The following BANK1 variants were observed in gnomAD, a reference collection of about 807,000 sequenced individuals.
The protein encoded by BANK1 is B cell scaffold protein with ankyrin repeats 1, also known as B-cell scaffold protein with ankyrin repeats.
BANK1 carries 95 observed loss-of-function variants against 94.5 expected under a neutral mutation model. That is an observed-to-expected ratio of 1.00 (90% confidence interval 0.85 to 1.19). BANK1 has a LOEUF of 1.19. Among genes scored for constraint, BANK1 ranks in the 50% most tolerant of loss-of-function variants. BANK1 has a pLI of 0.00. For missense variants in BANK1, 987 were observed against 932.2 expected, an observed-to-expected ratio of 1.06 and a Z score of -0.77; for synonymous variants, 334 against 308.4, an observed-to-expected ratio of 1.08 and a Z score of -0.87.
At chr4:101,875,842 C>A (rs1163036352) in intron 5 of BANK1, among the ~76,000 whole-genome samples, 1 of 152,152 alleles carries the variant, frequency 6.6e-6, no homozygotes, top group Non-Finnish European at 1.5e-5. Context: ...AGGATTGCAA[C>A]TCCTAGGCAA....
intron 7 of BANK1, among the ~76,000 whole-genome samples, chr4:101,939,386 G>T (rs1343885155): frequency 6.6e-6 from 1 of 151,690 alleles, no homozygotes; most frequent in Non-Finnish European, 1.5e-5. Context: ...ATGACTTAGG[G>T]CATCACATAG....
chr4:101,932,645 C>A (rs1723395032), intron 7 of BANK1, among the ~76,000 whole-genome samples: 1 of 151,474 alleles, frequency 6.6e-6, no homozygotes, highest in Non-Finnish European at 1.5e-5. Context: ...TGCTAAATGT[C>A]TATCTCCTAC....
chr4:101,923,310 A>G (rs1316444620), intron 7 of BANK1, among the ~76,000 whole-genome samples: 1 of 151,818 alleles, frequency 6.6e-6, no homozygotes, highest in East Asian at 1.9e-4. Flanking sequence ...ATATATATGT[A>G]CATGCTTTAC....
At chr4:101,876,782 C>A (rs1177014703) in intron 5 of BANK1, among the ~76,000 whole-genome samples, 1 of 151,970 alleles carries the variant, frequency 6.6e-6, no homozygotes, top group South Asian at 2.1e-4. Flanking sequence ...TTTGAGGAAA[C>A]GCAAAGAAAT....
chr4:101,984,277 G>A (rs1725414365), intron 7 of BANK1, among the ~76,000 whole-genome samples: 1 of 152,038 alleles, frequency 6.6e-6, no homozygotes, highest in African/African-American at 2.4e-5. Context: ...GATTAGGGTA[G>A]TTAGCCTAAA....
At chr4:101,822,947 G>A (rs926874553) in intron 1 of BANK1, among the ~76,000 whole-genome samples, 3 of 152,080 alleles carry the variant, frequency 2.0e-5, no homozygotes, top group Admixed American at 2.0e-4. Flanking sequence ...TATCATTGAT[G>A]GTATTTAGGT....
chr4:101,824,411 T>C (rs988596391), intron 1 of BANK1, among the ~76,000 whole-genome samples: 4 of 152,332 alleles, frequency 2.6e-5, no homozygotes, highest in African/African-American at 7.2e-5. Flanking sequence ...CATATATGAA[T>C]GTCCCACTAT....
intron 6 of BANK1, among the ~76,000 whole-genome samples, chr4:101,896,744 GGTGGT>G (rs1187506520): frequency 6.6e-6 from 1 of 151,752 alleles, no homozygotes; most frequent in African/African-American, 2.4e-5. Flanking sequence ...AGATAAACTT[GGTGGT>G]AGTGATTATA....
rs564595815 is a variant in BANK1, at chr4:101,916,801, T to C, written c.1010-1192T>C. 9.2e-5 allele frequency among the ~76,000 whole-genome samples: 14 copies of C among 152,070 alleles called. No individual in the cohort carries two copies. The South Asian group carries it at 2.9e-3, about 32-fold the overall frequency. ...AAAATGTATCTGGTCTAGAAGAAAA[T>C]GAAAAGTAAATTTGCCACACCTTGG... On this transcript the variant is annotated intron_variant, in intron 6 of 16. Coordinates refer to ENST00000322953, the MANE Select transcript of BANK1 (RefSeq NM_017935.5).
At chr4:102,038,252 A>G (rs1285711030) in intron 10 of BANK1, among the ~76,000 whole-genome samples, 1 of 152,172 alleles carries the variant, frequency 6.6e-6, no homozygotes, top group Non-Finnish European at 1.5e-5. Flanking sequence ...ACTTCTTGGG[A>G]CAGCAACATT....
intron 7 of BANK1, among the ~76,000 whole-genome samples, chr4:101,973,673 T>A (rs2148924167): frequency 6.6e-6 from 1 of 152,236 alleles, no homozygotes; most frequent in Non-Finnish European, 1.5e-5. Flanking sequence ...TGGCTCTTTT[T>A]CACATTATGA....
At position 101,881,297 on chromosome 4, in the gene BANK1, A is replaced by G. The variant is rs117441809; in HGVS notation, c.903+10653A>G. 5.8e-3 allele frequency among the ~76,000 whole-genome samples: 886 copies of G among 152,268 alleles called. 14 individuals carry two copies. Among genetic ancestry groups the G allele is most frequent in the East Asian group, 0.058 (300 of 5,172 alleles). On this transcript the variant is annotated intron_variant, in intron 5 of 16. Transcript: ENST00000322953. Reference sequence around the variant, plus strand: ...CTAAATAGACATTTCTCAAAAGAAGACGTACAGATGGCAAACAGGCATACA... The same window carrying G: ...CTAAATAGACATTTCTCAAAAGAAGGCGTACAGATGGCAAACAGGCATACA...
chr4:101,791,588 C>G (rs976052654), intron 1 of BANK1, among the ~76,000 whole-genome samples: 1 of 152,144 alleles, frequency 6.6e-6, no homozygotes, highest in South Asian at 2.1e-4. Context: ...TGAAGCATTT[C>G]AAATGCATTT....
intron 9 of BANK1, among the ~76,000 whole-genome samples, chr4:102,025,961 C>T (rs779828216): frequency 1.3e-4 from 20 of 152,136 alleles, no homozygotes; most frequent in Non-Finnish European, 2.2e-4. Flanking sequence ...TGCTAATGAT[C>T]GACAATTTTC....
At chr4:101,891,712 T>G (rs946593903) in intron 5 of BANK1, among the ~76,000 whole-genome samples, 13 of 152,062 alleles carry the variant, frequency 8.5e-5, no homozygotes, top group Non-Finnish European at 1.8e-4. Flanking sequence ...TGAGTAATTT[T>G]TATTGTTCTG....
Position 101,888,179 on chromosome 4 carries a change from C to T in BANK1, c.904-7126C>T, listed in dbSNP as rs539423965. On this transcript the variant is annotated intron_variant, in intron 5 of 16. Coordinates refer to ENST00000322953, the MANE Select transcript of BANK1 (RefSeq NM_017935.5). ...AGAGCAAGGCTGTTTTCAGCTCAAC[C>T]GTTGACTTTCCTTTTAGATACTTCT... Among the ~76,000 whole-genome samples, 5 of 152,290 alleles carry T rather than the reference C, an allele frequency of 3.3e-5. No individual in the cohort carries two copies. The South Asian group carries it at 6.2e-4, about 19-fold the overall frequency.
chr4:101,852,731 T>A (rs1727537362), intron 2 of BANK1, among the ~76,000 whole-genome samples: 1 of 151,956 alleles, frequency 6.6e-6, no homozygotes, highest in Non-Finnish European at 1.5e-5. Context: ...GCATAAGATA[T>A]TTTTATCTTA....
At chr4:101,900,290 A>G (rs1039218026) in intron 6 of BANK1, among the ~76,000 whole-genome samples, 3 of 152,244 alleles carry the variant, frequency 2.0e-5, no homozygotes, top group African/African-American at 4.8e-5. Flanking sequence ...GCAACAAAAT[A>G]AGACCATTGC....
At chr4:101,996,371 G>C (rs1231873219) in intron 7 of BANK1, among the ~76,000 whole-genome samples, 1 of 152,136 alleles carries the variant, frequency 6.6e-6, no homozygotes, top group African/African-American at 2.4e-5. Flanking sequence ...GATGCCTCCA[G>C]CTTTGTTCTT....
Sources: gnomAD v4.1 joint callset for allele counts (sites outside exome capture counted in the v4.1 genomes callset) on GRCh38, gnomAD v4.1.1 for gene constraint, MANE v1.5 for transcripts, NCBI Gene and HGNC (gene_info 2026-07-23, HGNC 2026-07-21) for gene names.